The following GPATCH1 variants were observed in gnomAD, a reference collection of about 807,000 sequenced individuals.
The protein encoded by GPATCH1 is G patch domain-containing protein 1.
A neutral mutation model predicts 114.9 loss-of-function variants in GPATCH1; 73 were observed. That is an observed-to-expected ratio of 0.64 (90% CI 0.53 to 0.77). The LOEUF is 0.77. Ranked by LOEUF, GPATCH1 falls within the 30% of genes least tolerant of loss-of-function variation. The pLI, the probability that GPATCH1 is intolerant of heterozygous loss-of-function variation, is 0.00. For missense variants in GPATCH1, 1,058 were observed against 1,144.3 expected (o/e 0.92, Z 1.09); for synonymous variants, 391 against 428.4 (o/e 0.91, Z 1.08).
rs767709667 is a variant in GPATCH1, at chr19:33,110,005, A to G, written c.1574A>G (p.Gln525Arg). The G allele has an allele frequency of 1.2e-6, 2 of 1,604,174 alleles. No homozygotes were observed. Among genetic ancestry groups the G allele is most frequent in the East Asian group, 4.5e-5 (2 of 44,704 alleles). Residue 525 changes from glutamine (Q) to arginine (R), a missense_variant, in exon 11 of 20, where the codon CAG becomes CGG. Around this residue, in one of 3 missense-constraint regions of GPATCH1, gnomAD observed 893 missense variants for 977.4 expected, o/e 0.91. Coordinates refer to ENST00000170564, the MANE Select transcript of GPATCH1 (RefSeq NM_018025.3). Reference sequence around the variant, plus strand: ...GACGAGTTCTTAGTACACATGAAACAGGGTCAGAAAGGTGGGTGCTGGGCC... The same window carrying G: ...GACGAGTTCTTAGTACACATGAAACGGGGTCAGAAAGGTGGGTGCTGGGCC... The part of the protein sequence containing the change: ...RYDEFLVHMK[Q>R]GQKDALERCL...
At chr19:33,088,084 C>T (rs2145301413) in intron 1 of GPATCH1, 50 bp from the exon 2 acceptor site, 1 of 1,118,490 alleles carries the variant, frequency 8.9e-7, no homozygotes, top group Non-Finnish European at 1.2e-6. Flanking sequence ...TTTGAACCGA[C>T]CATCTCCTCT....
At chr19:33,099,863 C>T (rs533086867) in intron 8 of GPATCH1, among the ~76,000 whole-genome samples, 3 of 151,564 alleles carry the variant, frequency 2.0e-5, no homozygotes, top group Admixed American at 2.0e-4. Flanking sequence ...CTATGCCTCC[C>T]GGGTTCAAGC....
intron 19 of GPATCH1, among the ~76,000 whole-genome samples, chr19:33,129,902 C>G (rs1973083159): frequency 6.6e-6 from 1 of 151,002 alleles, no homozygotes; most frequent in East Asian, 2.0e-4. Context: ...TGAGATCGCA[C>G]CACTGCGCTC....
chr19:33,129,107 C>T (rs796197977), intron 19 of GPATCH1, among the ~76,000 whole-genome samples: 16 of 152,024 alleles, frequency 1.1e-4, no homozygotes, highest in African/African-American at 2.7e-4. Context: ...ACTAGCCAGG[C>T]GTGGTGGCAC....
chr19:33,083,426 G>A (rs1008717150), intron 1 of GPATCH1, among the ~76,000 whole-genome samples: 17 of 146,336 alleles, frequency 1.2e-4, no homozygotes, highest in Admixed American at 2.8e-4. Context: ...ACAGAGTCAC[G>A]CTCTGTTGTC....
chr19:33,111,212 G>T (rs572004327), intron 11 of GPATCH1, among the ~76,000 whole-genome samples: 1 of 150,914 alleles, frequency 6.6e-6, no homozygotes, highest in Middle Eastern at 3.5e-3. Context: ...TTTGTTTCCC[G>T]TCTCTACTAA....
intron 15 of GPATCH1, among the ~76,000 whole-genome samples, chr19:33,117,458 G>T (rs376318461): frequency 1.3e-5 from 2 of 152,068 alleles, no homozygotes; most frequent in East Asian, 1.9e-4. Context: ...ACCATGCCCA[G>T]CTAATTTTTG....
At chr19:33,115,749 C>G (rs1392294011) in intron 15 of GPATCH1, among the ~76,000 whole-genome samples, 1 of 152,044 alleles carries the variant, frequency 6.6e-6, no homozygotes. Context: ...CCGCCTCAGC[C>G]TCCCCAAAGT....
intron 13 of GPATCH1, chr19:33,113,474 T>G: frequency 3.8e-6 from 1 of 264,154 alleles, no homozygotes; most frequent in Non-Finnish European, 7.2e-6. Flanking sequence ...AAAGATAGCA[T>G]ATGTGGTCAA....
At position 33,081,232 on chromosome 19, in the gene GPATCH1, C is replaced by A; in HGVS notation, c.39C>A (p.Val13=). The change falls in exon 1 of 20, where the codon GTC becomes GTA. Residue 13 remains valine, a synonymous_variant. Coordinates refer to ENST00000170564, the MANE Select transcript of GPATCH1 (RefSeq NM_018025.3). The part of the protein sequence containing the change: ...ARDSDSEEDL[V]SYGTGLEPLE... ...ACAGTGACAGCGAAGAAGATCTGGT[C>A]AGCTATGGGACCGGGCTGGAGCCTC... 1 of 1,551,710 alleles carries A rather than the reference C, an allele frequency of 6.4e-7. No individual in the cohort carries two copies. Among genetic ancestry groups the A allele is most frequent in the South Asian group, 1.2e-5 (1 of 84,022 alleles).
At chr19:33,082,533 A>C (rs1972489690) in intron 1 of GPATCH1, among the ~76,000 whole-genome samples, 1 of 151,978 alleles carries the variant, frequency 6.6e-6, no homozygotes, top group African/African-American at 2.4e-5. Context: ...CCCTTCTTCT[A>C]CCCTCGGCTT....
intron 15 of GPATCH1, among the ~76,000 whole-genome samples, chr19:33,116,582 G>T (rs2404494): frequency 0.41 from 61,880 of 152,000 alleles, 15,703 homozygotes; most frequent in African/African-American, 0.7. Context: ...CAGGCTGGAG[G>T]GCAGTGGCGC....
chr19:33,126,508 G>A, intron 18 of GPATCH1, 80 bp from the exon 19 acceptor site: 1 of 1,583,594 alleles, frequency 6.3e-7, no homozygotes, highest in Non-Finnish European at 8.5e-7. Context: ...CATCACTGCA[G>A]CCTTGTTAAC....
At position 33,111,775 on chromosome 19, in the gene GPATCH1, G is replaced by T; in HGVS notation, c.1637G>T (p.Arg546Leu). The T allele has an allele frequency of 6.2e-7, 1 of 1,614,130 alleles. No individual in the cohort carries two copies. The highest frequency in any genetic ancestry group is 8.5e-7 in the Non-Finnish European group (1 of 1,180,006). Residue 546 changes from arginine (R) to leucine (L), a missense_variant, in exon 12 of 20, where the codon CGT becomes CTT. By Grantham distance (102) the Arg-to-Leu change is moderately radical. Around this residue, in one of 3 missense-constraint regions of GPATCH1, gnomAD observed 893 missense variants for 977.4 expected, o/e 0.91. Coordinates refer to ENST00000170564, the MANE Select transcript of GPATCH1 (RefSeq NM_018025.3). ...AGCATGACAGAGTGGGAGCGAGGCC[G>T]TGAGCGGGATGAGTTTGCCCGGGCG... ...DPSMTEWERG[R>L]ERDEFARAAL...
intron 7 of GPATCH1, among the ~76,000 whole-genome samples, chr19:33,097,491 T>C (rs1972675046): frequency 6.6e-6 from 1 of 152,184 alleles, no homozygotes; most frequent in South Asian, 2.1e-4. Flanking sequence ...TCCACTCCTC[T>C]TCCTGTGCTG....
At chr19:33,122,793 G>A (rs765105482) in intron 17 of GPATCH1, among the ~76,000 whole-genome samples, 3 of 152,086 alleles carry the variant, frequency 2.0e-5, no homozygotes, top group Non-Finnish European at 4.4e-5. Context: ...GGCTGAGTGC[G>A]GTGGCTCACG....
chr19:33,111,859 A>G lies in GPATCH1; in HGVS notation c.1721A>G (p.Glu574Gly). The G allele has an allele frequency of 1.2e-6, 2 of 1,614,186 alleles. No individual in the cohort carries two copies. Among genetic ancestry groups the G allele is most frequent in the Non-Finnish European group, 1.7e-6 (2 of 1,179,992 alleles). The change falls in exon 12 of 20, where the codon GAG becomes GGG. Residue 574 changes from glutamate (E) to glycine (G), a missense_variant. By Grantham distance (98) the Glu-to-Gly change is moderately conservative (BLOSUM62 -2). This residue lies in a region of GPATCH1 where 893 missense variants were observed against 977.4 expected (regional missense o/e 0.91). Transcript: ENST00000170564. ...TCCTCCAGGTTCACTCACGCCAAGGAGGAGGATGACTCAGATCAGGTTGAA... is the reference window on the plus strand; with the variant it reads ...TCCTCCAGGTTCACTCACGCCAAGGGGGAGGATGACTCAGATCAGGTTGAA... ...TLSSRFTHAKEEDDSDQVEVP... is the reference protein window; with the variant it reads ...TLSSRFTHAKGEDDSDQVEVP...
intron 9 of GPATCH1, among the ~76,000 whole-genome samples, chr19:33,102,836 C>G (rs993358027): frequency 6.6e-6 from 1 of 152,158 alleles, no homozygotes; most frequent in African/African-American, 2.4e-5. Flanking sequence ...GCTGGATAAC[C>G]CATAGCCCTG....
At chr19:33,120,319 A>T (rs561442712) in intron 17 of GPATCH1, among the ~76,000 whole-genome samples, 3 of 132,544 alleles carry the variant, frequency 2.3e-5, no homozygotes, top group African/African-American at 8.7e-5. Flanking sequence ...TATACATAAA[A>T]ATGATATATA....
Sources: allele counts gnomAD v4.1 joint callset (sites outside exome capture counted in the v4.1 genomes callset), GRCh38; gene constraint gnomAD v4.1.1; regional missense constraint gnomAD v4.1.1; transcripts MANE v1.5; gene names NCBI Gene and HGNC (gene_info 2026-07-23, HGNC 2026-07-21).